ANTXR1: variants seen among roughly 807,000 people sequenced by gnomAD.
The protein encoded by ANTXR1 is anthrax toxin receptor 1.
Under a neutral mutation model 78.1 loss-of-function variants are expected in ANTXR1, and 19 were observed. The ratio of observed to expected loss-of-function variants is 0.24; its 90% CI spans 0.17 to 0.36. The LOEUF (loss-of-function observed/expected upper bound fraction) is 0.36, where lower values mean the gene tolerates loss of function less well. Among genes scored for constraint, ANTXR1 ranks in the 10% least tolerant of loss-of-function variants. The probability of loss-of-function intolerance (pLI) is 1.00; values close to 1 mark genes in which losing one functional copy is unlikely to be tolerated. For missense variants in ANTXR1, 518 were observed against 718.6 expected (o/e 0.72, Z 3.19); for synonymous variants, 273 against 260.5 (o/e 1.05, Z -0.46).
chr2:69,070,140 G>A (rs545061616), intron 3 of ANTXR1, among the ~76,000 whole-genome samples: 2 of 152,314 alleles, frequency 1.3e-5, no homozygotes, highest in South Asian at 2.1e-4. Context: ...ACTCTTGGCT[G>A]TCCTGGAAAG....
intron 17 of ANTXR1, 143 bp downstream of exon 17, chr2:69,193,558 A>C: frequency 1.4e-6 from 1 of 735,238 alleles, no homozygotes; most frequent in Non-Finnish European, 2.4e-6. Flanking sequence ...GAGCTAGAAT[A>C]ACTCCAGATT....
intron 17 of ANTXR1, among the ~76,000 whole-genome samples, chr2:69,220,095 T>C (rs1313989448): frequency 1.3e-5 from 2 of 152,188 alleles, no homozygotes; most frequent in African/African-American, 4.8e-5. Context: ...CTATTTTAGT[T>C]ACCATTTTTG....
rs1232637226 is a variant in ANTXR1 at position 69,013,560 on chromosome 2, C to G, written c.61C>G (p.Leu21Val). ...CTTCCAGTGGCTCTCTTTGGCCACTCTGGTGCTCATCTGCGCCGGGCAAGG... is the reference window on the plus strand; with the variant it reads ...CTTCCAGTGGCTCTCTTTGGCCACTGTGGTGCTCATCTGCGCCGGGCAAGG... ...IGFQWLSLAT[L>V]VLICAGQGGR... Residue 21 changes from leucine to valine, a missense_variant, in exon 1 of 18, where the codon CTG (leucine) becomes GTG (valine). By Grantham distance (32) the Leu-to-Val change is conservative. Around this residue, in one of 5 missense-constraint regions of ANTXR1, gnomAD observed 55 missense variants for 52.5 expected, o/e 1.05. Coordinates refer to ENST00000303714, the MANE Select transcript of ANTXR1 (RefSeq NM_032208.3). This position sits in a 1 kb window ranked among gnomAD's most constrained non-coding sequence, Gnocchi z 5.0. The G allele has an allele frequency of 1.8e-5, 28 of 1,578,124 alleles. No individual in the cohort carries two copies. Among genetic ancestry groups the G allele is most frequent in the Admixed American group, 1.7e-4 (9 of 52,684 alleles).
chr2:69,182,004 C>T, intron 15 of ANTXR1, 123 bp downstream of exon 15: 1 of 927,200 alleles, frequency 1.1e-6, no homozygotes. Flanking sequence ...GGCCGTAGAC[C>T]ACACTGATGA....
At chr2:69,015,872 A>C (rs1671011139) in intron 1 of ANTXR1, among the ~76,000 whole-genome samples, 1 of 152,230 alleles carries the variant, frequency 6.6e-6, no homozygotes, top group South Asian at 2.1e-4. Flanking sequence ...TAAAAGCAAA[A>C]TCCCAATAGG....
intron 12 of ANTXR1, chr2:69,145,327 G>A (rs1347199815): frequency 6.3e-7 from 1 of 1,593,254 alleles, no homozygotes; most frequent in Middle Eastern, 1.7e-4. Flanking sequence ...TTCTTAAAGA[G>A]CCTCCACAAA....
chr2:69,039,784 T>C (rs1055670962), intron 1 of ANTXR1, among the ~76,000 whole-genome samples: 4 of 152,088 alleles, frequency 2.6e-5, no homozygotes, highest in Non-Finnish European at 5.9e-5. Context: ...TTGTTGCTGT[T>C]GTTGTTTTTC....
At chr2:69,192,462 C>T (rs1333073955) in intron 16 of ANTXR1, among the ~76,000 whole-genome samples, 4 of 152,164 alleles carry the variant, frequency 2.6e-5, no homozygotes, top group Admixed American at 2.0e-4. Context: ...TCTATCCGCA[C>T]ATCTCCTTCT....
chr2:69,187,985 A>G (rs945106400), intron 16 of ANTXR1, among the ~76,000 whole-genome samples: 1 of 145,978 alleles, frequency 6.9e-6, no homozygotes, highest in Non-Finnish European at 1.5e-5. Context: ...ACTGTCTTCC[A>G]GCTGGCTAAG....
chr2:69,077,146 G>C, intron 7 of ANTXR1: 1 of 540,112 alleles, frequency 1.9e-6, no homozygotes, highest in Non-Finnish European at 3.3e-6. Context: ...CAAGCTGGGC[G>C]CTCTTACCTC....
At chr2:69,075,086 A>C (rs1044494035) in intron 6 of ANTXR1, among the ~76,000 whole-genome samples, 1 of 152,146 alleles carries the variant, frequency 6.6e-6, no homozygotes, top group Non-Finnish European at 1.5e-5. Context: ...AAATATGCTG[A>C]CGTTTATGAG....
intron 1 of ANTXR1, among the ~76,000 whole-genome samples, chr2:69,026,584 A>G (rs1001455029): frequency 6.6e-6 from 1 of 152,228 alleles, no homozygotes; most frequent in African/African-American, 2.4e-5. Flanking sequence ...TTGCTGATCA[A>G]TATGTGCATA....
intron 14 of ANTXR1, among the ~76,000 whole-genome samples, chr2:69,181,278 G>A (rs1356686330): frequency 6.6e-6 from 1 of 152,180 alleles, no homozygotes; most frequent in East Asian, 1.9e-4. Flanking sequence ...AGAACTAGCT[G>A]GCAAGTTGGG....
chr2:69,157,706 T>G (rs1037682178), intron 13 of ANTXR1, among the ~76,000 whole-genome samples: 1 of 152,208 alleles, frequency 6.6e-6, no homozygotes, highest in Non-Finnish European at 1.5e-5. Flanking sequence ...ACTCAGTAGT[T>G]GCTTAAGAAA....
chr2:69,221,978 G>A (rs1226348076), intron 17 of ANTXR1, among the ~76,000 whole-genome samples: 3 of 152,174 alleles, frequency 2.0e-5, no homozygotes, highest in Non-Finnish European at 4.4e-5. Context: ...ACTCCTTAGC[G>A]GGTTTCGGAA....
intron 3 of ANTXR1, among the ~76,000 whole-genome samples, chr2:69,063,796 A>G (rs1670315682): frequency 6.6e-6 from 1 of 152,124 alleles, no homozygotes; most frequent in Admixed American, 6.6e-5. Context: ...ATAATATTAA[A>G]AGGTTTTTCT....
chr2:69,206,770 T>A (rs1674915727), intron 17 of ANTXR1, among the ~76,000 whole-genome samples: 1 of 152,170 alleles, frequency 6.6e-6, no homozygotes, highest in Admixed American at 6.5e-5. Flanking sequence ...ACTGCCCATA[T>A]CCCATGGTCC....
In ANTXR1 at chr2:69,152,167, A is replaced by T; in HGVS notation, c.952-2A>T. ...CTGACCGCCTCTCTCTTGGCCCTGC[A>T]GTCTGACGGTTCCATCCTGGCCATC... On this transcript the variant is annotated splice_acceptor_variant, in intron 12 of 17. Transcript: ENST00000303714. LOFTEE classifies it high-confidence loss of function. 6.2e-7 allele frequency: 1 copy of T among 1,614,012 alleles called. No homozygotes were observed.
intron 1 of ANTXR1, among the ~76,000 whole-genome samples, chr2:69,039,761 G>A (rs1473021588): frequency 1.3e-5 from 2 of 151,938 alleles, no homozygotes; most frequent in Non-Finnish European, 2.9e-5. Flanking sequence ...AATCTCTTTG[G>A]GCCCAGCGTT....
Sources: gnomAD v4.1 joint callset for allele counts (sites outside exome capture counted in the v4.1 genomes callset) on GRCh38, gnomAD v4.1.1 for gene constraint, gnomAD v4.1.1 regional missense constraint, Gnocchi (gnomAD v3.1) non-coding constraint, MANE v1.5 for transcripts, NCBI Gene and HGNC (gene_info 2026-07-23, HGNC 2026-07-21) for gene names.